NAV2: variants seen among roughly 807,000 people sequenced by gnomAD.
The protein encoded by NAV2 is neuron navigator 2.
NAV2 carries 54 observed loss-of-function variants against 223.2 expected under a neutral mutation model. The ratio of observed to expected loss-of-function variants is 0.24; its 90% confidence interval spans 0.19 to 0.30. NAV2 has a LOEUF of 0.30. Among genes scored for constraint, NAV2 ranks in the 10% least tolerant of loss-of-function variants. The pLI, the probability that NAV2 is intolerant of heterozygous loss-of-function variation, is 1.00. For synonymous variants in NAV2, 1,279 were observed against 1,239.3 expected, an observed-to-expected ratio of 1.03 and a Z score of -0.67; for missense variants, 2,806 against 3,147.5, an observed-to-expected ratio of 0.89 and a Z score of 2.60.
chr11:19,584,101 T>C (rs1375775497), intron 1 of NAV2, among the ~76,000 whole-genome samples: 1 of 152,224 alleles, frequency 6.6e-6, no homozygotes, highest in Non-Finnish European at 1.5e-5. Flanking sequence ...CCTGGTTTAG[T>C]CTTAGGAGAG....
rs1428498343 is a variant in NAV2, at chr11:19,583,191, TG to T, written c.75+232165del. Among the ~76,000 whole-genome samples, 13 of 152,344 alleles carry T rather than the reference TG, an allele frequency of 8.5e-5. No individual in the cohort carries two copies. In the East Asian group the frequency reaches 2.3e-3, roughly 27 times the overall value. ...TTGCTCTCTGTTTCTCTGTTATTGG[TG>T]TATAAGAATGCTTGTGATTTTTGCA... On this transcript the variant is annotated intron_variant, in intron 1 of 37. Transcript: ENST00000360655.
At chr11:19,926,352 G>A (rs575982730) in intron 6 of NAV2, among the ~76,000 whole-genome samples, 94 of 152,196 alleles carry the variant, frequency 6.2e-4, no homozygotes, top group African/African-American at 1.9e-3. Context: ...TTGTCCTCGT[G>A]CCCCGCTTAC....
intron 1 of NAV2, among the ~76,000 whole-genome samples, chr11:19,820,809 T>C (rs2059329772): frequency 6.6e-6 from 1 of 152,172 alleles, no homozygotes; most frequent in African/African-American, 2.4e-5. Flanking sequence ...GAGCTGTTAC[T>C]CCAGTGAGTG....
chr11:19,467,545 G>A (rs1045405374), intron 1 of NAV2, among the ~76,000 whole-genome samples: 1 of 152,228 alleles, frequency 6.6e-6, no homozygotes, highest in African/African-American at 2.4e-5. Context: ...TGGATGGACA[G>A]ATGTTTTTCC....
intron 10 of NAV2, among the ~76,000 whole-genome samples, chr11:19,976,636 T>C (rs928929391): frequency 3.9e-5 from 6 of 152,150 alleles, no homozygotes; most frequent in Non-Finnish European, 7.4e-5. Flanking sequence ...CTAGCCAGAG[T>C]CAGCTCCAGA....
chr11:19,662,492 T>C (rs2048311956), intron 1 of NAV2, among the ~76,000 whole-genome samples: 1 of 152,200 alleles, frequency 6.6e-6, no homozygotes, highest in Non-Finnish European at 1.5e-5. Context: ...GAATAGCAAT[T>C]GCTGAGAGGC....
At chr11:19,502,621 G>C (rs748244209) in intron 1 of NAV2, 1 of 152,144 alleles carries the variant, frequency 6.6e-6, no homozygotes, top group Non-Finnish European at 1.5e-5. Flanking sequence ...TGGGGCAAAG[G>C]TTGTTTCAGT....
intron 1 of NAV2, among the ~76,000 whole-genome samples, chr11:19,801,219 G>T (rs936166637): frequency 2.0e-5 from 3 of 152,212 alleles, no homozygotes; most frequent in African/African-American, 7.2e-5. Flanking sequence ...TTTGGCAACA[G>T]CAGGACCCCA....
chr11:19,572,851 A>G (rs1440543370), intron 1 of NAV2, among the ~76,000 whole-genome samples: 1 of 152,218 alleles, frequency 6.6e-6, no homozygotes, highest in Admixed American at 6.5e-5. Context: ...TATAATTCCT[A>G]TTGCTGATAT....
intron 1 of NAV2, among the ~76,000 whole-genome samples, chr11:19,535,334 T>A (rs752231112): frequency 1.3e-5 from 2 of 151,540 alleles, no homozygotes; most frequent in Non-Finnish European, 2.9e-5. Context: ...TGCAGGGGAG[T>A]AGAAGAGGAG....
intron 2 of NAV2, among the ~76,000 whole-genome samples, chr11:19,839,421 AAG>A (rs992443954): frequency 8.5e-5 from 13 of 152,062 alleles, no homozygotes; most frequent in African/African-American, 2.7e-4. Context: ...AAAGGGAGCA[AAG>A]AGAGAGAGAG....
chr11:19,752,053 A>T (rs2053868454), intron 1 of NAV2, among the ~76,000 whole-genome samples: 1 of 152,200 alleles, frequency 6.6e-6, no homozygotes. Context: ...AAATAGGCCA[A>T]CAGTCATATT....
chr11:19,564,159 C>T (rs761453510), intron 1 of NAV2, among the ~76,000 whole-genome samples: 26 of 151,992 alleles, frequency 1.7e-4, no homozygotes, highest in Non-Finnish European at 3.5e-4. Flanking sequence ...CATTCTGTGG[C>T]GGGGGCTTTG....
At chr11:19,590,744 C>A (rs912810647) in intron 1 of NAV2, among the ~76,000 whole-genome samples, 4 of 152,154 alleles carry the variant, frequency 2.6e-5, no homozygotes, top group Non-Finnish European at 5.9e-5. Context: ...CCAAATACCA[C>A]CATTATGGTT....
intron 5 of NAV2, among the ~76,000 whole-genome samples, chr11:19,890,013 G>T (rs981403283): frequency 2.6e-5 from 4 of 152,086 alleles, no homozygotes; most frequent in Non-Finnish European, 5.9e-5. Flanking sequence ...TTTCTTTTAT[G>T]CCAGTGTCCA....
Position 19,802,546 on chromosome 11 carries a change from A to G in NAV2, c.268-29938A>G, listed in dbSNP as rs77248388. Among the ~76,000 whole-genome samples, 354 of 152,162 alleles carry G rather than the reference A, an allele frequency of 2.3e-3. 3 individuals carry two copies. The highest frequency in any genetic ancestry group is 8.2e-3 in the African/African-American group (341 of 41,506). On this transcript the variant is annotated intron_variant, in intron 1 of 37. Coordinates refer to ENST00000349880, the MANE Select transcript of NAV2 (RefSeq NM_145117.5). ...TAATTTTGGTTTTGGATGAGTTATT[A>G]TTTCTAGATACTTAAAGCAATTAGG...
chr11:19,730,582 G>A (rs531048707), intron 1 of NAV2, among the ~76,000 whole-genome samples: 1 of 152,372 alleles, frequency 6.6e-6, no homozygotes, highest in African/African-American at 2.4e-5. Context: ...CTTCTGACGT[G>A]CTCCGAAATG....
rs2061603537 is a variant in NAV2 at position 20,101,081 on chromosome 11, A to G, written c.6326A>G (p.Asn2109Ser). 6.2e-7 allele frequency: 1 copy of G among 1,614,152 alleles called. No homozygotes were observed. The highest frequency in any genetic ancestry group is 8.5e-7 in the Non-Finnish European group (1 of 1,180,028). ...GGCACTGGGAAAACCTACCTGGCCA[A>G]CCGGCTGTCTGAGTATATAGTGCTT... is the stretch of plus-strand genomic sequence containing the variant. ...PSGTGKTYLA[N>S]RLSEYIVLRE... The change falls in exon 32 of 38, where the codon AAC (asparagine) becomes AGC (serine). Residue 2109 changes from asparagine to serine, a missense_variant. Transcript: ENST00000349880.
intron 1 of NAV2, among the ~76,000 whole-genome samples, chr11:19,699,029 G>C (rs895859872): frequency 1.3e-5 from 2 of 152,220 alleles, no homozygotes; most frequent in African/African-American, 2.4e-5. Context: ...CCACCTGCTA[G>C]AGAAAGGCGT....
Sources: gnomAD v4.1 joint callset for allele counts (sites outside exome capture counted in the v4.1 genomes callset) on GRCh38, gnomAD v4.1.1 for gene constraint, MANE v1.5 for transcripts, NCBI Gene and HGNC (gene_info 2026-07-23, HGNC 2026-07-21) for gene names.